Variants in TMEM132D observed in about 807,000 individuals in gnomAD.
TMEM132D encodes the protein mature OL transmembrane protein.
In TMEM132D, 21 loss-of-function variants were observed where a neutral mutation model predicts 62.3. That is an observed-to-expected ratio of 0.34 (90% CI 0.24 to 0.49). The LOEUF is 0.49. TMEM132D is among the 20% of genes least tolerant of loss of function. The pLI is 0.99. For synonymous variants in TMEM132D, 621 were observed against 575.6 expected, an observed-to-expected ratio of 1.08 and a Z score of -1.13; for missense variants, 1,346 against 1,402.8, an observed-to-expected ratio of 0.96 and a Z score of 0.65.
intron 1 of TMEM132D, among the ~76,000 whole-genome samples, chr12:129,722,366 A>G (rs1226714240): frequency 2.0e-5 from 3 of 152,082 alleles, no homozygotes; most frequent in Non-Finnish European, 4.4e-5. Context: ...TGCCACCCCA[A>G]CCTGGGCCTG....
rs114067336 is a variant in TMEM132D at position 129,763,912 on chromosome 12, C to T, written c.80-63214G>A. 1.6e-3 allele frequency among the ~76,000 whole-genome samples: 246 copies of T among 152,268 alleles called. 1 individual carries two copies. The highest frequency in any genetic ancestry group is 5.6e-3 in the African/African-American group (234 of 41,564). ...TTAAGAATCGAGAGGTGCCCTGTTT[C>T]ATTGCAGTAGGAACTTTAGAACCAA... On this transcript the variant is annotated intron_variant, in intron 1 of 8. Coordinates refer to ENST00000422113, the MANE Select transcript of TMEM132D (RefSeq NM_133448.3).
chr12:129,463,877 T>A (rs960268858), intron 3 of TMEM132D, among the ~76,000 whole-genome samples: 1 of 151,402 alleles, frequency 6.6e-6, no homozygotes, highest in Non-Finnish European at 1.5e-5. Context: ...TCTATCATTG[T>A]TGGACATTTG....
chr12:129,708,630 AACACACAC>A (rs869069705), intron 1 of TMEM132D, among the ~76,000 whole-genome samples: 6 of 107,024 alleles, frequency 5.6e-5, no homozygotes, highest in Non-Finnish European at 8.4e-5. Flanking sequence ...AAAAAAAAAA[AACACACAC>A]ACACACACAC....
intron 3 of TMEM132D, among the ~76,000 whole-genome samples, chr12:129,468,653 C>G (rs1873997998): frequency 6.6e-6 from 1 of 152,152 alleles, no homozygotes; most frequent in African/African-American, 2.4e-5. Flanking sequence ...AAATAGTTCC[C>G]CAGTTTTATC....
chr12:129,169,680 G>A (rs548718815), intron 5 of TMEM132D, among the ~76,000 whole-genome samples: 23 of 152,092 alleles, frequency 1.5e-4, no homozygotes, highest in Admixed American at 1.4e-3. Context: ...TCAAGACGAG[G>A]GGCTGAGCAG....
At chr12:129,207,469 G>A (rs998671087) in intron 5 of TMEM132D, among the ~76,000 whole-genome samples, 5 of 152,250 alleles carry the variant, frequency 3.3e-5, no homozygotes, top group Non-Finnish European at 5.9e-5. Flanking sequence ...AGGCAGTGCT[G>A]TGGGTGTCTG....
intron 2 of TMEM132D, among the ~76,000 whole-genome samples, chr12:129,640,365 C>T (rs915856960): frequency 6.6e-6 from 1 of 152,226 alleles, no homozygotes; most frequent in African/African-American, 2.4e-5. Flanking sequence ...ATTCACTCTC[C>T]TGCTGCTCTC....
chr12:129,534,279 C>T (rs542753059), intron 2 of TMEM132D, among the ~76,000 whole-genome samples: 1 of 152,070 alleles, frequency 6.6e-6, no homozygotes, highest in Admixed American at 6.5e-5. Flanking sequence ...ATATATCTAC[C>T]ATGGTGATGG....
chr12:129,630,678 T>C (rs1166651167), intron 2 of TMEM132D, among the ~76,000 whole-genome samples: 2 of 152,192 alleles, frequency 1.3e-5, no homozygotes, highest in East Asian at 3.8e-4. Flanking sequence ...AGCAAAATAG[T>C]AAGTCCACTA....
chr12:129,518,857 C>G (rs902463148), intron 3 of TMEM132D, among the ~76,000 whole-genome samples: 6 of 151,798 alleles, frequency 4.0e-5, no homozygotes, highest in Admixed American at 3.3e-4. Flanking sequence ...GTATAATACT[C>G]CTGATTATTT....
At chr12:129,135,656 T>TC (rs568190460) in intron 5 of TMEM132D, among the ~76,000 whole-genome samples, 265 of 151,740 alleles carry the variant, frequency 1.7e-3, no homozygotes, top group Middle Eastern at 3.4e-3. Context: ...AACAAATAGT[T>TC]TTTTTTTGCT....
In TMEM132D at chr12:129,134,134, C is replaced by CTGTGTGTGTCTGTG. The variant is rs1555231902; in HGVS notation, c.1444-49433_1444-49432insCACAGACACACACA. Reference sequence around the variant, plus strand: ...CTGTGTGTTGTGTGTGTGTGTGTGTCTGTGTGTGTGTGTCTGTGTCTGTGT... The same window carrying CTGTGTGTGTCTGTG: ...CTGTGTGTTGTGTGTGTGTGTGTGTCTGTGTGTGTCTGTGTGTGTGTGTGTGTCTGTGTCTGTGT... On this transcript the variant is annotated intron_variant, in intron 5 of 8. Transcript: ENST00000422113. Among the ~76,000 whole-genome samples the CTGTGTGTGTCTGTG allele has an allele frequency of 2.9e-4, 22 of 76,992 alleles. 1 individual carries two copies. The highest frequency in any genetic ancestry group is 6.6e-4 in the African/African-American group (21 of 31,702). 50.5% of individuals were successfully genotyped at this position (76,992 alleles called of 152,430 possible). A position where few individuals can be genotyped will look rare whatever the true frequency, so the allele number is the denominator to read the frequency against.
chr12:129,214,270 T>TC (rs1555238061), intron 4 of TMEM132D, among the ~76,000 whole-genome samples: 4 of 151,952 alleles, frequency 2.6e-5, no homozygotes, highest in Non-Finnish European at 5.9e-5. Context: ...GAGTGCTTTT[T>TC]ATTTTGATTT....
intron 3 of TMEM132D, among the ~76,000 whole-genome samples, chr12:129,418,692 C>G (rs1024047443): frequency 1.3e-5 from 2 of 151,994 alleles, no homozygotes; most frequent in East Asian, 3.9e-4. Flanking sequence ...CAAACCTGCA[C>G]ATTCTGCACA....
intron 5 of TMEM132D, among the ~76,000 whole-genome samples, chr12:129,171,695 G>A (rs28778927): frequency 1.0e-3 from 159 of 152,324 alleles, no homozygotes; most frequent in African/African-American, 3.3e-3. Flanking sequence ...ACTCTTGGGC[G>A]ATGAGGTGCA....
chr12:129,323,337 G>T (rs1448358508), intron 4 of TMEM132D, among the ~76,000 whole-genome samples: 1 of 151,982 alleles, frequency 6.6e-6, no homozygotes, highest in Middle Eastern at 3.2e-3. Flanking sequence ...TTTCATTAGA[G>T]AAATTGATAT....
chr12:129,561,337 C>G (rs1206328531), intron 2 of TMEM132D, among the ~76,000 whole-genome samples: 2 of 152,212 alleles, frequency 1.3e-5, no homozygotes, highest in Admixed American at 1.3e-4. Context: ...TTTGAATCCT[C>G]CCTGACAGCA....
rs1461663947 is a variant in TMEM132D, at chr12:129,806,381, A to G, written c.79+96880T>C. On this transcript the variant is annotated intron_variant, in intron 1 of 8. Coordinates refer to ENST00000422113, the MANE Select transcript of TMEM132D (RefSeq NM_133448.3). ...TGCAGCCATAAAAAATGATGAGTTCATGTCCTTTGTAGGGACATGGATGAA... is the reference window on the plus strand; with the variant it reads ...TGCAGCCATAAAAAATGATGAGTTCGTGTCCTTTGTAGGGACATGGATGAA... Among the ~76,000 whole-genome samples the G allele has an allele frequency of 6.2e-5, 6 of 96,130 alleles. No homozygotes were observed. The East Asian group carries it at 1.0e-3, about 16-fold the overall frequency. The allele number at this position is 96,130 out of a possible 152,430, so 63.1% of individuals were successfully genotyped here.
chr12:129,256,123 A>G (rs1354262228), intron 4 of TMEM132D, among the ~76,000 whole-genome samples: 2 of 152,210 alleles, frequency 1.3e-5, no homozygotes, highest in Non-Finnish European at 2.9e-5. Flanking sequence ...TCTGTCCCCC[A>G]GACTGGAGTG....
Sources: allele counts gnomAD v4.1 joint callset (sites outside exome capture counted in the v4.1 genomes callset), GRCh38; gene constraint gnomAD v4.1.1; transcripts MANE v1.5; gene names NCBI Gene and HGNC (gene_info 2026-07-23, HGNC 2026-07-21).